DOT1L: variants seen among roughly 807,000 people sequenced by gnomAD.
DOT1L encodes histone-lysine N-methyltransferase, H3 lysine-79 specific.
A neutral mutation model predicts 153.3 loss-of-function variants in DOT1L; 33 were observed. That is an observed-to-expected ratio of 0.22 (90% CI 0.16 to 0.29). DOT1L has a LOEUF of 0.29. DOT1L is among the 10% of genes least tolerant of loss of function. The pLI is 1.00. For synonymous variants in DOT1L, 1,135 were observed against 965.1 expected, an observed-to-expected ratio of 1.18 and a Z score of -3.26; for missense variants, 1,847 against 2,119.9, an observed-to-expected ratio of 0.87 and a Z score of 2.53.
intron 1 of DOT1L, among the ~76,000 whole-genome samples, chr19:2,165,747 C>T (rs2019889449): frequency 6.6e-6 from 1 of 151,994 alleles, no homozygotes; most frequent in African/African-American, 2.4e-5. Flanking sequence ...ACCGTCCGAC[C>T]AGCCCCAGTA....
At chr19:2,205,008 TCGCCCA>T (rs2023437775) in intron 9 of DOT1L, among the ~76,000 whole-genome samples, 2 of 151,972 alleles carry the variant, frequency 1.3e-5, no homozygotes, top group Non-Finnish European at 2.9e-5. Flanking sequence ...TCTCACTCTG[TCGCCCA>T]GGCTGGAGTG....
At position 2,211,195 on chromosome 19, in the gene DOT1L, C is replaced by T. The variant is rs769199900; in HGVS notation, c.1448C>T (p.Ala483Val). 8 of 1,610,254 alleles carry T rather than the reference C, an allele frequency of 5.0e-6. No individual in the cohort carries two copies. The highest frequency in any genetic ancestry group is 6.8e-6 in the Non-Finnish European group (8 of 1,178,842). ...CTGCTGGTGGCGCCCACCCCGCCCG[C>T]GCTGCAGAAGCTTCTAGGTGAGCCC... ...NPLLVAPTPP[A>V]LQKLLESFKI... Residue 483 changes from alanine (A) to valine (V), a missense_variant, in exon 15 of 28, where the codon GCG (alanine) becomes GTG (valine). Coordinates refer to ENST00000398665, the MANE Select transcript of DOT1L (RefSeq NM_032482.3).
At position 2,226,116 on chromosome 19, in the gene DOT1L, G is replaced by A. The variant is rs1013382636; in HGVS notation, c.3662-67G>A. The A allele has an allele frequency of 1.2e-5, 17 of 1,462,820 alleles. No homozygotes were observed. In the African/African-American group the frequency reaches 1.7e-4, roughly 15 times the overall value. The allele number at this position is 1,462,820 out of a possible 1,614,324, so 90.6% of individuals were successfully genotyped here. A position where few individuals can be genotyped will look rare whatever the true frequency, so the allele number is the denominator to read the frequency against. On this transcript the variant is annotated intron_variant, in intron 26 of 27. Coordinates refer to ENST00000398665, the MANE Select transcript of DOT1L (RefSeq NM_032482.3). ...TTGCCCGGGCCGTGGCAGCAGCCCC[G>A]GTTAGCCTCATGGGTAGCCCGGGCA...
intron 8 of DOT1L, among the ~76,000 whole-genome samples, chr19:2,201,541 T>C (rs1427018062): frequency 6.6e-6 from 1 of 152,218 alleles, no homozygotes; most frequent in Non-Finnish European, 1.5e-5. Flanking sequence ...AAAAGTTTCC[T>C]AGGTTCGCTC....
intron 2 of DOT1L, among the ~76,000 whole-genome samples, chr19:2,182,577 G>T (rs1176762213): frequency 6.6e-6 from 1 of 152,122 alleles, no homozygotes; most frequent in Non-Finnish European, 1.5e-5. Flanking sequence ...GCTTCCCGGG[G>T]CTGTGACTGT....
intron 1 of DOT1L, 55 bp downstream of exon 1, chr19:2,164,320 C>T (rs2019823890): frequency 8.4e-7 from 1 of 1,196,370 alleles, no homozygotes. Context: ...TCCGCCGCCC[C>T]TGGGGACACC....
chr19:2,192,457 G>A (rs1457114713), intron 5 of DOT1L, among the ~76,000 whole-genome samples: 1 of 152,046 alleles, frequency 6.6e-6, no homozygotes, highest in Non-Finnish European at 1.5e-5. Context: ...CTGAGCTCCT[G>A]AGGTCAGGAG....
chr19:2,202,892 C>A lies in DOT1L; in HGVS notation c.787+113C>A, dbSNP rs116068810. 1,009 of 954,302 alleles carry A rather than the reference C, an allele frequency of 1.1e-3. 6 individuals are homozygous for A. The African/African-American group carries it at 0.015, about 14-fold the overall frequency. The allele number at this position is 954,302 out of a possible 1,614,324, so 59.1% of individuals were successfully genotyped here. A position where few individuals can be genotyped will look rare whatever the true frequency, so the allele number is the denominator to read the frequency against. ...GCAGCTCAGACTTGGGGTCTTCAGT[C>A]CCCTTGGAGCCAGGTGGTCTTCCTT... On this transcript the variant is annotated intron_variant, in intron 9 of 27. Transcript: ENST00000398665.
In DOT1L at chr19:2,222,054, C is replaced by G; in HGVS notation, c.2885C>G (p.Pro962Arg). Residue 962 changes from proline (P) to arginine (R), a missense_variant, in exon 24 of 28, where the codon CCG becomes CGG. This residue lies in a region of DOT1L where 934 missense variants were observed against 825.3 expected (regional missense o/e 1.13). Coordinates refer to ENST00000398665, the MANE Select transcript of DOT1L (RefSeq NM_032482.3). This position sits in a 1 kb window ranked among gnomAD's most constrained non-coding sequence, Gnocchi z 6.5. ...SPASLTPGAE[P>R]ATLDESSSSG... ...GCCTCTCTCACACCTGGAGCCGAGC[C>G]GGCCACCTTGGATGAGTCCTCCAGC... 1 of 1,613,242 alleles carries G rather than the reference C, an allele frequency of 6.2e-7. No homozygotes were observed. The highest frequency in any genetic ancestry group is 8.5e-7 in the Non-Finnish European group (1 of 1,179,868).
rs12983678 is a variant in DOT1L at position 2,207,270 on chromosome 19, A to G, written c.857-304A>G. On this transcript the variant is annotated intron_variant, in intron 10 of 27. Transcript: ENST00000398665. This position sits in a 1 kb window ranked among gnomAD's most constrained non-coding sequence, Gnocchi z 4.5. ...ACCCGGGAGGTGCCTGTGTTGCTGG[A>G]TGCTGGCCGTTCTTGCAGCCGTGAT... Among the ~76,000 whole-genome samples the G allele has an allele frequency of 0.48, 73,086 of 152,044 alleles. 18,083 individuals carry two copies. The highest frequency in any genetic ancestry group is 0.62 in the Middle Eastern group (182 of 292).
rs961671446 is a variant in DOT1L at position 2,193,965 on chromosome 19, G to A, written c.588+182G>A. Among the ~76,000 whole-genome samples, 1 of 152,102 alleles carries A rather than the reference G, an allele frequency of 6.6e-6. No individual in the cohort carries two copies. The highest frequency in any genetic ancestry group is 2.4e-5 in the African/African-American group (1 of 41,432). On this transcript the variant is annotated intron_variant, in intron 6 of 27. Coordinates refer to ENST00000398665, the MANE Select transcript of DOT1L (RefSeq NM_032482.3). This position sits in a 1 kb window ranked among gnomAD's most constrained non-coding sequence, Gnocchi z 5.9. ...GAATAGGGTGCCCGATCGCCCTCACGGCCCATTACAGGCCGGCCCTCCAGG... is the reference window on the plus strand; with the variant it reads ...GAATAGGGTGCCCGATCGCCCTCACAGCCCATTACAGGCCGGCCCTCCAGG...
intron 7 of DOT1L, among the ~76,000 whole-genome samples, chr19:2,196,566 C>T (rs547366199): frequency 2.0e-5 from 3 of 152,262 alleles, no homozygotes; most frequent in African/African-American, 4.8e-5. Context: ...TTCCTGACCT[C>T]GTGATCCGCC....
At chr19:2,205,028 T>C (rs2023438595) in intron 9 of DOT1L, among the ~76,000 whole-genome samples, 1 of 151,982 alleles carries the variant, frequency 6.6e-6, no homozygotes, top group Non-Finnish European at 1.5e-5. Context: ...TGGAGTGCAG[T>C]GGCGCAGTTT....
intron 2 of DOT1L, among the ~76,000 whole-genome samples, chr19:2,182,443 AGGTG>A (rs1474553327): frequency 1.3e-5 from 2 of 152,178 alleles, no homozygotes; most frequent in African/African-American, 4.8e-5. Context: ...TGCGGGGCTG[AGGTG>A]GGAGGATCAC....
At chr19:2,228,109 C>CTTCTGCTGCCT (rs1483499950) in intron 27 of DOT1L, 11 of 1,357,696 alleles carry the variant, frequency 8.1e-6, no homozygotes, top group Non-Finnish European at 1.1e-5. Flanking sequence ...TTGCCCCCCA[C>CTTCTGCTGCCT]CTCTGCTGCC....
chr19:2,216,417 C>T lies in DOT1L; in HGVS notation c.2060C>T (p.Ala687Val), dbSNP rs1222825058. Residue 687 changes from alanine to valine, a missense_variant, in exon 20 of 28, where the codon GCC becomes GTC. Around this residue, in one of 8 missense-constraint regions of DOT1L, gnomAD observed 281 missense variants for 263.6 expected, o/e 1.07. Coordinates refer to ENST00000398665, the MANE Select transcript of DOT1L (RefSeq NM_032482.3). ...GALGRELEPDASRLHLELDCT... is the reference protein window; with the variant it reads ...GALGRELEPDVSRLHLELDCT... ...CTGGGCCGCGAGCTGGAGCCTGACG[C>T]CAGCCGGCTGCACCTGGAGCTGGAC... 1.9e-6 allele frequency: 3 copies of T among 1,612,530 alleles called. No homozygotes were observed. The highest frequency in any genetic ancestry group is 3.3e-5 in the Admixed American group (2 of 60,014).
chr19:2,185,472 T>G (rs545796562), intron 2 of DOT1L, among the ~76,000 whole-genome samples: 45 of 152,254 alleles, frequency 3.0e-4, no homozygotes, highest in Admixed American at 2.9e-3. Flanking sequence ...ATGCAGTGTT[T>G]AAGAACATGC....
intron 18 of DOT1L, 77 bp downstream of exon 18, chr19:2,214,063 G>A (rs1279625442): frequency 1.3e-6 from 2 of 1,525,562 alleles, no homozygotes; most frequent in Admixed American, 4.0e-5. Context: ...CTGTGCGGGT[G>A]GGAGGCTCTG....
At chr19:2,165,832 G>A (rs1331245944) in intron 1 of DOT1L, among the ~76,000 whole-genome samples, 1 of 150,798 alleles carries the variant, frequency 6.6e-6, no homozygotes, top group African/African-American at 2.4e-5. Context: ...GCAGCGGCGC[G>A]ATCTCGGCTC....
Sources: allele counts gnomAD v4.1 joint callset (sites outside exome capture counted in the v4.1 genomes callset), GRCh38; gene constraint gnomAD v4.1.1; regional missense constraint gnomAD v4.1.1; non-coding constraint Gnocchi (gnomAD v3.1); transcripts MANE v1.5; gene names NCBI Gene and HGNC (gene_info 2026-07-23, HGNC 2026-07-21).